CLSTN2: variants seen among roughly 807,000 people sequenced by gnomAD.
CLSTN2 encodes the protein calsyntenin-2.
Under a neutral mutation model 101.2 loss-of-function variants are expected in CLSTN2, and 48 were observed. The observed-to-expected ratio is 0.47, with a 90% CI of 0.38 to 0.60. CLSTN2 has a LOEUF of 0.60. Ranked by LOEUF, CLSTN2 falls within the 20% of genes least tolerant of loss-of-function variation. The pLI is 0.00. For synonymous variants in CLSTN2, 481 were observed against 463.6 expected, an observed-to-expected ratio of 1.04 and a Z score of -0.48; for missense variants, 1,160 against 1,238.2, an observed-to-expected ratio of 0.94 and a Z score of 0.95.
At chr3:140,010,157 A>G (rs1289886069) in intron 1 of CLSTN2, among the ~76,000 whole-genome samples, 1 of 152,138 alleles carries the variant, frequency 6.6e-6, no homozygotes. Flanking sequence ...GCCCGTAAAT[A>G]TTTGTTGAAT....
At chr3:140,037,259 A>G (rs2007672812) in intron 1 of CLSTN2, among the ~76,000 whole-genome samples, 1 of 152,206 alleles carries the variant, frequency 6.6e-6, no homozygotes, top group South Asian at 2.1e-4. Context: ...CACCTACCAC[A>G]GAGCAATTTT....
At chr3:140,232,073 C>T (rs1364664590) in intron 2 of CLSTN2, among the ~76,000 whole-genome samples, 2 of 152,182 alleles carry the variant, frequency 1.3e-5, no homozygotes, top group Admixed American at 6.5e-5. Flanking sequence ...ACAGTGTCTA[C>T]AGCACAGTAC....
chr3:140,425,743 A>T (rs1187164124), intron 5 of CLSTN2, among the ~76,000 whole-genome samples: 1 of 152,208 alleles, frequency 6.6e-6, no homozygotes, highest in African/African-American at 2.4e-5. Context: ...TGCCAGGCAC[A>T]TACATTTTGC....
chr3:140,271,394 G>C (rs368500577), intron 2 of CLSTN2, among the ~76,000 whole-genome samples: 1 of 152,254 alleles, frequency 6.6e-6, no homozygotes, highest in Admixed American at 6.5e-5. Context: ...ACCGAACACT[G>C]GGATTACCCC....
chr3:140,384,451 G>C (rs956110640), intron 2 of CLSTN2, among the ~76,000 whole-genome samples: 9 of 152,170 alleles, frequency 5.9e-5, no homozygotes, highest in African/African-American at 2.2e-4. Flanking sequence ...TTCTGTGGGG[G>C]TTGTCAGCAG....
rs1401580103 is a variant in CLSTN2 at position 140,511,660 on chromosome 3, C to T, written c.1345-20664C>T. ...TGCCTCCCGGGTTCACGCAATTCTC[C>T]TGCCTCAGCCTCCCGTGTAGCTGGG... On this transcript the variant is annotated intron_variant, in intron 8 of 16. Transcript: ENST00000458420. Among the ~76,000 whole-genome samples the T allele has an allele frequency of 6.7e-5, 10 of 150,282 alleles. No individual in the cohort carries two copies. The Admixed American group carries it at 6.7e-4, about 10-fold the overall frequency.
At chr3:140,145,505 G>A (rs2009767845) in intron 1 of CLSTN2, among the ~76,000 whole-genome samples, 1 of 152,242 alleles carries the variant, frequency 6.6e-6, no homozygotes, top group Admixed American at 6.5e-5. Context: ...CAGCAAGGCT[G>A]AATCATTGGA....
intron 8 of CLSTN2, among the ~76,000 whole-genome samples, chr3:140,479,604 G>C (rs1459311585): frequency 6.6e-6 from 1 of 152,192 alleles, no homozygotes. Flanking sequence ...AGTAAGGATT[G>C]TCATAATGAA....
chr3:140,315,897 G>T (rs1275488130), intron 2 of CLSTN2, among the ~76,000 whole-genome samples: 1 of 152,140 alleles, frequency 6.6e-6, no homozygotes, highest in Middle Eastern at 3.2e-3. Flanking sequence ...GAGCGTGTGT[G>T]GCCTCTGCCT....
At chr3:140,465,321 G>A (rs1933664562) in intron 7 of CLSTN2, among the ~76,000 whole-genome samples, 1 of 152,164 alleles carries the variant, frequency 6.6e-6, no homozygotes, top group South Asian at 2.1e-4. Flanking sequence ...CCTCCCAGTG[G>A]TATAATAAAA....
chr3:140,493,160 T>G (rs1934385856), intron 8 of CLSTN2, among the ~76,000 whole-genome samples: 1 of 152,226 alleles, frequency 6.6e-6, no homozygotes, highest in South Asian at 2.1e-4. Context: ...ATTGCCTTCC[T>G]GGCTGGGTTT....
chr3:140,140,719 T>C (rs2009683372), intron 1 of CLSTN2, among the ~76,000 whole-genome samples: 1 of 152,226 alleles, frequency 6.6e-6, no homozygotes, highest in Non-Finnish European at 1.5e-5. Context: ...TTTATTTTCC[T>C]CTTCTGCAAA....
At chr3:140,383,008 T>C (rs574781155) in intron 2 of CLSTN2, among the ~76,000 whole-genome samples, 43 of 152,258 alleles carry the variant, frequency 2.8e-4, no homozygotes, top group Middle Eastern at 3.4e-3. Context: ...AAAAACCTCC[T>C]TCCCACAAAG....
intron 2 of CLSTN2, among the ~76,000 whole-genome samples, chr3:140,241,338 G>A (rs988059767): frequency 5.9e-5 from 9 of 152,192 alleles, no homozygotes; most frequent in African/African-American, 2.2e-4. Context: ...GTAAGAAAGT[G>A]TTGTGTGAGG....
At chr3:140,127,592 G>C (rs1277617981) in intron 1 of CLSTN2, among the ~76,000 whole-genome samples, 2 of 152,134 alleles carry the variant, frequency 1.3e-5, no homozygotes, top group Admixed American at 6.5e-5. Flanking sequence ...TGGAAGTTGG[G>C]ATGAGGCGGC....
At chr3:140,075,105 A>G (rs1159569323) in intron 1 of CLSTN2, among the ~76,000 whole-genome samples, 5 of 152,250 alleles carry the variant, frequency 3.3e-5, no homozygotes, top group African/African-American at 1.2e-4. Flanking sequence ...GAGCCTCACC[A>G]GAAGTATATC....
intron 4 of CLSTN2, among the ~76,000 whole-genome samples, chr3:140,408,057 C>T (rs2088324215): frequency 6.6e-6 from 1 of 152,090 alleles, no homozygotes; most frequent in African/African-American, 2.4e-5. Flanking sequence ...TGTAGGAGAG[C>T]TCAGGAGTCC....
chr3:140,263,197 C>A (rs1017197111), intron 2 of CLSTN2, among the ~76,000 whole-genome samples: 1 of 152,060 alleles, frequency 6.6e-6, no homozygotes, highest in Non-Finnish European at 1.5e-5. Context: ...ATATGATGGT[C>A]AAGTACTGAC....
At chr3:139,994,552 C>T (rs140566291) in intron 1 of CLSTN2, among the ~76,000 whole-genome samples, 1 of 152,176 alleles carries the variant, frequency 6.6e-6, no homozygotes, top group East Asian at 1.9e-4. Context: ...GGTGTTAATC[C>T]CCCTACTACT....
Sources: gnomAD v4.1 joint callset for allele counts (sites outside exome capture counted in the v4.1 genomes callset) on GRCh38, gnomAD v4.1.1 for gene constraint, MANE v1.5 for transcripts, NCBI Gene and HGNC (gene_info 2026-07-23, HGNC 2026-07-21) for gene names.